PIANP: variants seen among roughly 807,000 people sequenced by gnomAD.
PIANP encodes the protein PILR alpha associated neural protein.
Under a neutral mutation model 28.9 loss-of-function variants are expected in PIANP, and 14 were observed. That is an observed-to-expected ratio of 0.49 (90% CI 0.32 to 0.76). The LOEUF is 0.76. PIANP is among the 30% of genes least tolerant of loss of function. PIANP has a pLI of 0.03. For synonymous variants in PIANP, 149 were observed against 156.6 expected, an observed-to-expected ratio of 0.95 and a Z score of 0.36; for missense variants, 322 against 371.8, an observed-to-expected ratio of 0.87 and a Z score of 1.10.
In PIANP at chr12:6,696,543, A is replaced by G; in HGVS notation, c.524-19T>C. 6.4e-7 allele frequency: 1 copy of G among 1,560,574 alleles called. No homozygotes were observed. Among genetic ancestry groups the G allele is most frequent in the East Asian group, 2.4e-5 (1 of 42,126 alleles). ...TCCACACCTGATTGGGGTGGGAAGA[A>G]AGTTTTAGGGAGCCCCGAGGTGGTA... On this transcript the variant is annotated intron_variant, in intron 3 of 4. Coordinates refer to ENST00000534837, the MANE Select transcript of PIANP (RefSeq NM_001244014.2). This position sits in a 1 kb window ranked among gnomAD's most constrained non-coding sequence, Gnocchi z 4.0.
At chr12:6,699,232 G>A (rs1428475985) in intron 1 of PIANP, among the ~76,000 whole-genome samples, 2 of 152,142 alleles carry the variant, frequency 1.3e-5, no homozygotes, top group Non-Finnish European at 2.9e-5. Flanking sequence ...CAACAAGAGC[G>A]AGACTCCGAC....
In PIANP at chr12:6,696,358, T is replaced by A; in HGVS notation, c.605+85A>T. The A allele has an allele frequency of 8.8e-5, 79 of 901,914 alleles. No individual in the cohort carries two copies. Among genetic ancestry groups the A allele is most frequent in the Non-Finnish European group, 1.1e-4 (69 of 624,660 alleles). The allele number at this position is 901,914 out of a possible 1,614,324, so 55.9% of individuals were successfully genotyped here. On this transcript the variant is annotated intron_variant, in intron 4 of 4. Transcript: ENST00000534837. This position sits in a 1 kb window ranked among gnomAD's most constrained non-coding sequence, Gnocchi z 4.0. ...ATTTCCCACCCACCCCCCAGCAAAATTGCTGCCACTGCCCCTCGTGGTTAG... is the reference window on the plus strand; with the variant it reads ...ATTTCCCACCCACCCCCCAGCAAAAATGCTGCCACTGCCCCTCGTGGTTAG...
At position 6,694,937 on chromosome 12, in the gene PIANP, C is replaced by A. The variant is rs897718536; in HGVS notation, c.*489G>T. 7.2e-7 allele frequency: 1 copy of A among 1,395,252 alleles called. No individual in the cohort carries two copies. The highest frequency in any genetic ancestry group is 9.6e-7 in the Non-Finnish European group (1 of 1,044,500). The allele number at this position is 1,395,252 out of a possible 1,614,324, so 86.4% of individuals were successfully genotyped here. ...TGCAAGGGGCAGGAGCCAGGAGCCC[C>A]TGTGGCCCCAGCTCCCCACAGCTGC... is the stretch of plus-strand genomic sequence containing the variant. On this transcript the variant is annotated 3_prime_UTR_variant, in exon 5 of 5. Transcript: ENST00000534837. The surrounding 1 kb of genome is among the most constrained non-coding windows in gnomAD (Gnocchi z 6.1).
chr12:6,697,989 G>A lies in PIANP; in HGVS notation c.17+56C>T, dbSNP rs988242229. On this transcript the variant is annotated intron_variant, in intron 2 of 4. Transcript: ENST00000534837. This position sits in a 1 kb window ranked among gnomAD's most constrained non-coding sequence, Gnocchi z 6.9. ...GCTCTGGATGGGTCTAGGAAGGAAG[G>A]AGTCATGGCCCCAGGGAATGTGGTC... 30 of 1,548,706 alleles carry A rather than the reference G, an allele frequency of 1.9e-5. No homozygotes were observed. The highest frequency in any genetic ancestry group is 2.4e-5 in the Non-Finnish European group (27 of 1,144,408).
chr12:6,695,120 GTTC>G lies in PIANP; in HGVS notation c.*303_*305del. 6.5e-7 allele frequency: 1 copy of G among 1,534,644 alleles called. No individual in the cohort carries two copies. The highest frequency in any genetic ancestry group is 1.2e-5 in the South Asian group (1 of 81,470). On this transcript the variant is annotated 3_prime_UTR_variant, in exon 5 of 5. Coordinates refer to ENST00000534837, the MANE Select transcript of PIANP (RefSeq NM_001244014.2). The surrounding 1 kb of genome is among the most constrained non-coding windows in gnomAD (Gnocchi z 4.2). ...GGGGTAGGCCAGAATAGAAGGGGAAGTTCAAGACAAAGAGGGGGAATCAAGGTT... is the reference window on the plus strand; with the variant it reads ...GGGGTAGGCCAGAATAGAAGGGGAAGAAGACAAAGAGGGGGAATCAAGGTT...
chr12:6,698,418 A>G (rs1959943880), intron 1 of PIANP: 3 of 377,494 alleles, frequency 7.9e-6, no homozygotes, highest in South Asian at 5.2e-5. Flanking sequence ...TTGGATCTTA[A>G]TTTAGAGCCA....
chr12:6,693,517 C>A (rs978198276), downstream of PIANP, among the ~76,000 whole-genome samples: 4 of 152,172 alleles, frequency 2.6e-5, no homozygotes, highest in Admixed American at 2.0e-4. Flanking sequence ...TCTTCTGTCT[C>A]CCTTTTTTTG....
rs1282822254 is a variant in PIANP at position 6,695,742 on chromosome 12, T to G, written c.606-91A>C. ...AGTGGTCACCCCCAGCCTCGCCCAG[T>G]CACTCCCAACATCTTATAGCAGAGA... On this transcript the variant is annotated intron_variant, in intron 4 of 4. Transcript: ENST00000534837. This position sits in a 1 kb window ranked among gnomAD's most constrained non-coding sequence, Gnocchi z 4.2. 2 of 1,338,532 alleles carry G rather than the reference T, an allele frequency of 1.5e-6. No homozygotes were observed. Among genetic ancestry groups the G allele is most frequent in the Non-Finnish European group, 9.7e-7 (1 of 1,033,160 alleles). 82.9% of individuals were successfully genotyped at this position (1,338,532 alleles called of 1,614,324 possible).
rs1234779197 is a variant in PIANP, at chr12:6,697,914, C to G, written c.18-122G>C. ...TGAAAGCAGGTGGGCCTTGGGAAGA[C>G]TCGCCTCATTTCCCATCTTCCAAAG... On this transcript the variant is annotated intron_variant, in intron 2 of 4. Coordinates refer to ENST00000534837, the MANE Select transcript of PIANP (RefSeq NM_001244014.2). The surrounding 1 kb of genome is among the most constrained non-coding windows in gnomAD (Gnocchi z 6.9). The G allele has an allele frequency of 6.6e-7, 1 of 1,513,974 alleles. No individual in the cohort carries two copies. Among genetic ancestry groups the G allele is most frequent in the Non-Finnish European group, 8.9e-7 (1 of 1,121,416 alleles). 93.8% of individuals were successfully genotyped at this position (1,513,974 alleles called of 1,614,324 possible). A position where few individuals can be genotyped will look rare whatever the true frequency, so the allele number is the denominator to read the frequency against.
chr12:6,697,555 T>C lies in PIANP; in HGVS notation c.255A>G (p.Ala85=), dbSNP rs1312497507. 6.2e-7 allele frequency: 1 copy of C among 1,604,818 alleles called. No homozygotes were observed. Residue 85 remains alanine (A), a synonymous_variant, in exon 3 of 5, where the codon GCA becomes GCG. Coordinates refer to ENST00000534837, the MANE Select transcript of PIANP (RefSeq NM_001244014.2). This position sits in a 1 kb window ranked among gnomAD's most constrained non-coding sequence, Gnocchi z 6.9. Reference sequence around the variant, plus strand: ...CAAAGCCTGATGGGGTGGCTGGGGGTGCAGTGCCAGGCAGGACTTGCCGAC... The same window carrying C: ...CAAAGCCTGATGGGGTGGCTGGGGGCGCAGTGCCAGGCAGGACTTGCCGAC... ...RSRRQVLPGT[A]PPATPSGFEE...
Position 6,698,050 on chromosome 12 carries a change from C to T in PIANP, c.12G>A (p.Arg4=), listed in dbSNP as rs1387218047. 6.4e-7 allele frequency: 1 copy of T among 1,563,328 alleles called. No homozygotes were observed. Among genetic ancestry groups the T allele is most frequent in the Non-Finnish European group, 8.7e-7 (1 of 1,152,552 alleles). Reference sequence around the variant, plus strand: ...CTCTGCTGGGCCAAACTTACCACATCCTGGACTCCATGTCTGAGGTCTTCC... The same window carrying T: ...CTCTGCTGGGCCAAACTTACCACATTCTGGACTCCATGTCTGAGGTCTTCC... MES[R]MWPALLLSHL... is the part of the protein sequence containing the mutation. The change falls in exon 2 of 5, where the codon AGG becomes AGA. Residue 4 remains arginine, a synonymous_variant. Coordinates refer to ENST00000534837, the MANE Select transcript of PIANP (RefSeq NM_001244014.2).
In PIANP at chr12:6,697,302, C is replaced by A; in HGVS notation, c.508G>T (p.Gly170Trp). 1 of 1,613,920 alleles carries A rather than the reference C, an allele frequency of 6.2e-7. No homozygotes were observed. The highest frequency in any genetic ancestry group is 8.5e-7 in the Non-Finnish European group (1 of 1,179,870). Reference protein sequence around the residue: ...APATLRPFLFGGRGEGVDPQL... With the variant: ...APATLRPFLFWGRGEGVDPQL... ...TCCCACTCACCTTCCCCACGGCCCC[C>A]GAACAGGAATGGCCGCAGGGTGGCA... Residue 170 changes from glycine (G) to tryptophan (W), a missense_variant, in exon 3 of 5, where the codon GGG becomes TGG. Coordinates refer to ENST00000534837, the MANE Select transcript of PIANP (RefSeq NM_001244014.2). This position sits in a 1 kb window ranked among gnomAD's most constrained non-coding sequence, Gnocchi z 6.9.
rs774414017 is a variant in PIANP at position 6,697,995 on chromosome 12, T to C, written c.17+50A>G. On this transcript the variant is annotated intron_variant, in intron 2 of 4. Coordinates refer to ENST00000534837, the MANE Select transcript of PIANP (RefSeq NM_001244014.2). The surrounding 1 kb of genome is among the most constrained non-coding windows in gnomAD (Gnocchi z 6.9). ...GATGGGTCTAGGAAGGAAGGAGTCA[T>C]GGCCCCAGGGAATGTGGTCTCCAGG... 6 of 1,551,028 alleles carry C rather than the reference T, an allele frequency of 3.9e-6. No individual in the cohort carries two copies. Among genetic ancestry groups the C allele is most frequent in the Non-Finnish European group, 5.2e-6 (6 of 1,146,344 alleles).
chr12:6,695,190 A>ATT lies in PIANP; in HGVS notation c.*235_*236insAA, dbSNP rs1033925176. Reference sequence around the variant, plus strand: ...CTTAGACAAGGTGGCATGAGAAAAAACCAAAGAGGGCAGAGTTGGAGTTAT... The same window carrying ATT: ...CTTAGACAAGGTGGCATGAGAAAAAATTCCAAAGAGGGCAGAGTTGGAGTTAT... On this transcript the variant is annotated 3_prime_UTR_variant, in exon 5 of 5. Transcript: ENST00000534837. This position sits in a 1 kb window ranked among gnomAD's most constrained non-coding sequence, Gnocchi z 4.2. 4.6e-5 allele frequency: 67 copies of ATT among 1,458,214 alleles called. 1 individual carries two copies. The Middle Eastern group carries it at 5.5e-4, about 12-fold the overall frequency. 90.3% of individuals were successfully genotyped at this position (1,458,214 alleles called of 1,614,324 possible).
Position 6,696,798 on chromosome 12 carries a change from A to G in PIANP, c.524-274T>C, listed in dbSNP as rs567609807. Among the ~76,000 whole-genome samples the G allele has an allele frequency of 3.9e-5, 6 of 152,242 alleles. No individual in the cohort carries two copies. In the South Asian group the frequency reaches 1.2e-3, roughly 32 times the overall value. ...GCCCCATGATCAGCGAGAACCTATC[A>G]CTATGCCTGGAAACTAAGGGGTGGA... On this transcript the variant is annotated intron_variant, in intron 3 of 4. Coordinates refer to ENST00000534837, the MANE Select transcript of PIANP (RefSeq NM_001244014.2). This position sits in a 1 kb window ranked among gnomAD's most constrained non-coding sequence, Gnocchi z 4.0.
chr12:6,698,428 A>T (rs958501188), intron 1 of PIANP: 2 of 354,576 alleles, frequency 5.6e-6, no homozygotes, highest in East Asian at 1.3e-4. Flanking sequence ...ATTTAGAGCC[A>T]AGAACCTTGT....
chr12:6,696,425 T>G lies in PIANP; in HGVS notation c.605+18A>C, dbSNP rs562628305. 6.4e-7 allele frequency: 1 copy of G among 1,572,190 alleles called. No homozygotes were observed. The highest frequency in any genetic ancestry group is 2.3e-5 in the East Asian group (1 of 42,794). Reference sequence around the variant, plus strand: ...CATTCCGTCCCCATCCACCAGCACCTTCCTCCTCCCAGCTTACCAGAACTT... The same window carrying G: ...CATTCCGTCCCCATCCACCAGCACCGTCCTCCTCCCAGCTTACCAGAACTT... On this transcript the variant is annotated intron_variant, in intron 4 of 4. Coordinates refer to ENST00000534837, the MANE Select transcript of PIANP (RefSeq NM_001244014.2). This position sits in a 1 kb window ranked among gnomAD's most constrained non-coding sequence, Gnocchi z 4.0.
Position 6,695,291 on chromosome 12 carries a change from G to C in PIANP, c.*135C>G. ...TGCCTCCCAGAGAGGAGCTGGTCCAGCCCCCTTGGGAGGGCCAGGGGCTGT... is the reference window on the plus strand; with the variant it reads ...TGCCTCCCAGAGAGGAGCTGGTCCACCCCCCTTGGGAGGGCCAGGGGCTGT... On this transcript the variant is annotated 3_prime_UTR_variant, in exon 5 of 5. Coordinates refer to ENST00000534837, the MANE Select transcript of PIANP (RefSeq NM_001244014.2). The surrounding 1 kb of genome is among the most constrained non-coding windows in gnomAD (Gnocchi z 4.2). 1 of 1,406,596 alleles carries C rather than the reference G, an allele frequency of 7.1e-7. No individual in the cohort carries two copies. Among genetic ancestry groups the C allele is most frequent in the Non-Finnish European group, 9.3e-7 (1 of 1,075,070 alleles). 87.1% of individuals were successfully genotyped at this position (1,406,596 alleles called of 1,614,324 possible). A position where few individuals can be genotyped will look rare whatever the true frequency, so the allele number is the denominator to read the frequency against.
downstream of PIANP, among the ~76,000 whole-genome samples, chr12:6,693,611 G>A (rs147914326): frequency 0.011 from 1,723 of 152,232 alleles, 20 homozygotes; most frequent in Middle Eastern, 0.037. Flanking sequence ...CTCCTCGTCA[G>A]GATGGCTCCC....
Sources: gnomAD v4.1 joint callset for allele counts (sites outside exome capture counted in the v4.1 genomes callset) on GRCh38, gnomAD v4.1.1 for gene constraint, Gnocchi (gnomAD v3.1) non-coding constraint, MANE v1.5 for transcripts, NCBI Gene and HGNC (gene_info 2026-07-23, HGNC 2026-07-21) for gene names.